The following DZIP3 variants were observed in gnomAD, a reference collection of about 807,000 sequenced individuals.
DZIP3 encodes DAZ interacting zinc finger protein 3.
DZIP3 carries 118 observed loss-of-function variants against 162.0 expected under a neutral mutation model. That is an observed-to-expected ratio of 0.73 (90% CI 0.63 to 0.85). The LOEUF (loss-of-function observed/expected upper bound fraction) is 0.85. Ranked by LOEUF, DZIP3 falls within the 40% of genes least tolerant of loss-of-function variation. DZIP3 has a pLI of 0.00. For missense variants in DZIP3, 1,331 were observed against 1,407.0 expected, an observed-to-expected ratio of 0.95 and a Z score of 0.86; for synonymous variants, 438 against 458.6, an observed-to-expected ratio of 0.96 and a Z score of 0.57.
At chr3:108,669,582 C>T in intron 21 of DZIP3, 99 bp from the exon 22 acceptor site, 1 of 1,029,884 alleles carries the variant, frequency 9.7e-7, no homozygotes, top group Non-Finnish European at 1.4e-6. Flanking sequence ...CCCAAATGGA[C>T]ATACTTTATC....
chr3:108,689,127 C>G (rs1213978362), intron 31 of DZIP3, among the ~76,000 whole-genome samples: 1 of 152,188 alleles, frequency 6.6e-6, no homozygotes, highest in Non-Finnish European at 1.5e-5. Flanking sequence ...TCTCCATCCA[C>G]CCTACAGAAG....
chr3:108,644,232 G>A lies in DZIP3; in HGVS notation c.1210G>A (p.Gly404Ser). 6.2e-7 allele frequency: 1 copy of A among 1,612,994 alleles called. No individual in the cohort carries two copies. The highest frequency in any genetic ancestry group is 8.5e-7 in the Non-Finnish European group (1 of 1,179,688). ...TCTGCTTCATATAATTATTATTTCTGGTACTGACATTGTTCGACAAATATT... is the reference window on the plus strand; with the variant it reads ...TCTGCTTCATATAATTATTATTTCTAGTACTGACATTGTTCGACAAATATT... ...YHLLHIIIIS[G>S]TDIVRQIFDE... The change falls in exon 14 of 33, where the codon GGT becomes AGT. Residue 404 changes from glycine (G) to serine (S), a missense_variant. Gly to Ser is a moderately conservative substitution (Grantham distance 56). Around this residue, in one of 2 missense-constraint regions of DZIP3, gnomAD observed 1,278 missense variants for 1,317.1 expected, o/e 0.97. Coordinates refer to ENST00000361582, the MANE Select transcript of DZIP3 (RefSeq NM_014648.4).
At chr3:108,659,833 A>C (rs1943335833) in intron 19 of DZIP3, among the ~76,000 whole-genome samples, 1 of 152,206 alleles carries the variant, frequency 6.6e-6, no homozygotes, top group Non-Finnish European at 1.5e-5. Context: ...AAGCATTCTT[A>C]TACACCAATA....
chr3:108,682,768 T>G (rs1366827519), intron 26 of DZIP3, among the ~76,000 whole-genome samples: 1 of 150,712 alleles, frequency 6.6e-6, no homozygotes, highest in Non-Finnish European at 1.5e-5. Flanking sequence ...TTTTGAATAT[T>G]AGAACCACAA....
At chr3:108,672,504 T>A in intron 22 of DZIP3, 56 bp from the exon 23 acceptor site, 1 of 1,404,104 alleles carries the variant, frequency 7.1e-7, no homozygotes, top group Non-Finnish European at 1.0e-6. Context: ...CTGAATTAGA[T>A]GAAAAAGGCT....
At chr3:108,682,009 A>G (rs1238885617) in intron 26 of DZIP3, among the ~76,000 whole-genome samples, 1 of 150,542 alleles carries the variant, frequency 6.6e-6, no homozygotes, top group Admixed American at 6.6e-5. Flanking sequence ...GCAAACCACC[A>G]TGGCACATGT....
chr3:108,672,436 C>T, intron 22 of DZIP3, 124 bp from the exon 23 acceptor site: 3 of 756,854 alleles, frequency 4.0e-6, no homozygotes, highest in Non-Finnish European at 6.7e-6. Context: ...TTTCTATGTG[C>T]TCTATACTTT....
intron 16 of DZIP3, 123 bp from the exon 17 acceptor site, chr3:108,648,795 A>G: frequency 2.3e-6 from 1 of 435,046 alleles, no homozygotes; most frequent in South Asian, 3.0e-5. Flanking sequence ...CATAGAATCT[A>G]GAAAGAAATA....
Position 108,694,755 on chromosome 3 carries a change from A to G in DZIP3, c.*1402A>G, listed in dbSNP as rs1322986175. Reference sequence around the variant, plus strand: ...TAAGGTCATGGTCATATAGCTAGTTATCTTGTAAAACCAATGTTTCTTAGT... The same window carrying G: ...TAAGGTCATGGTCATATAGCTAGTTGTCTTGTAAAACCAATGTTTCTTAGT... On this transcript the variant is annotated 3_prime_UTR_variant, in exon 33 of 33. Coordinates refer to ENST00000361582, the MANE Select transcript of DZIP3 (RefSeq NM_014648.4). The G allele has an allele frequency of 2.6e-5, 4 of 152,210 alleles. No individual in the cohort carries two copies. Among genetic ancestry groups the G allele is most frequent in the Non-Finnish European group, 5.9e-5 (4 of 68,024 alleles). The allele number at this position is 152,210 out of a possible 1,614,324, so 9.4% of individuals were successfully genotyped here.
chr3:108,618,006 G>A (rs1414953796), intron 5 of DZIP3, among the ~76,000 whole-genome samples: 9 of 152,348 alleles, frequency 5.9e-5, no homozygotes, highest in African/African-American at 9.6e-5. Flanking sequence ...GTCTATTGCT[G>A]TATCTAAATT....
Position 108,669,717 on chromosome 3 carries a change from C to G in DZIP3, c.2460C>G (p.Ile820Met), listed in dbSNP as rs774880939. The part of the protein sequence containing the change: ...QRQIHAKDNE[I>M]KNLKEQLSMK... ...AAATCCATGCTAAAGATAATGAAAT[C>G]AAGAACCTTAAAGAGCAACTTTCTA... is the stretch of plus-strand genomic sequence containing the variant. Residue 820 changes from isoleucine (I) to methionine (M), a missense_variant, in exon 22 of 33, where the codon ATC (isoleucine) becomes ATG (methionine). This residue lies in a region of DZIP3 where 1,278 missense variants were observed against 1,317.1 expected (regional missense o/e 0.97). Coordinates refer to ENST00000361582, the MANE Select transcript of DZIP3 (RefSeq NM_014648.4). 3 of 1,611,092 alleles carry G rather than the reference C, an allele frequency of 1.9e-6. No homozygotes were observed. Among genetic ancestry groups the G allele is most frequent in the Non-Finnish European group, 1.7e-6 (2 of 1,178,346 alleles).
intron 1 of DZIP3, chr3:108,603,199 T>C (rs928877727): frequency 6.6e-6 from 1 of 152,224 alleles, no homozygotes; most frequent in African/African-American, 2.4e-5. Context: ...ATGAGGGGAT[T>C]GTTATCTGGA....
intron 12 of DZIP3, among the ~76,000 whole-genome samples, chr3:108,641,931 A>C (rs1031133211): frequency 1.3e-5 from 2 of 152,162 alleles, no homozygotes; most frequent in Non-Finnish European, 2.9e-5. Flanking sequence ...TAGTCTAGTT[A>C]ATACATTTTG....
intron 1 of DZIP3, among the ~76,000 whole-genome samples, chr3:108,601,688 A>T (rs1268978348): frequency 6.6e-6 from 1 of 152,174 alleles, no homozygotes; most frequent in Non-Finnish European, 1.5e-5. Context: ...GTATTTTTGA[A>T]ATCAACCCAG....
Position 108,648,019 on chromosome 3 carries a change from ATCACACCC to A in DZIP3, c.1871_1878del (p.Ser624Ter). On this transcript the variant is annotated frameshift_variant, in exon 16 of 33. Transcript: ENST00000361582. LOFTEE classifies it high-confidence loss of function. The stretch of plus-strand genomic sequence containing the variant: ...TCATGGAGTACAATATAAATGTGAA[ATCACACCC>A]TGAGATACAGTTTGCAGAAATTAAT... The A allele has an allele frequency of 6.2e-7, 1 of 1,611,842 alleles. No homozygotes were observed. Among genetic ancestry groups the A allele is most frequent in the Non-Finnish European group, 8.5e-7 (1 of 1,179,024 alleles).
chr3:108,600,616 A>G (rs1157794546), intron 1 of DZIP3, among the ~76,000 whole-genome samples: 1 of 152,198 alleles, frequency 6.6e-6, no homozygotes, highest in Non-Finnish European at 1.5e-5. Flanking sequence ...CCTTCACAGT[A>G]GGGAATTAGA....
rs201879512 is a variant in DZIP3 at position 108,635,468 on chromosome 3, TATC to T, written c.918+499_918+501del. On this transcript the variant is annotated intron_variant, in intron 10 of 32. Transcript: ENST00000361582. ...TTTACATTTAGTTATAATAGTTACA[TATC>T]ATATGTAGTTATAGATAATATATAA... 5.5e-3 allele frequency: 987 copies of T among 179,070 alleles called. 7 individuals are homozygous for T. Among genetic ancestry groups the T allele is most frequent in the African/African-American group, 0.019 (780 of 41,320 alleles). 11.1% of individuals were successfully genotyped at this position (179,070 alleles called of 1,614,324 possible).
intron 5 of DZIP3, 21 bp downstream of exon 5, chr3:108,616,678 A>G: frequency 6.7e-7 from 1 of 1,493,184 alleles, no homozygotes; most frequent in Non-Finnish European, 9.2e-7. Flanking sequence ...TCTTTTTGGA[A>G]ATTTGATATA....
At chr3:108,602,376 T>G (rs777556474) in intron 1 of DZIP3, among the ~76,000 whole-genome samples, 1 of 152,162 alleles carries the variant, frequency 6.6e-6, no homozygotes, top group Non-Finnish European at 1.5e-5. Flanking sequence ...TTTATTAAGA[T>G]ATGGATGGTA....
Sources: gnomAD v4.1 joint callset for allele counts (sites outside exome capture counted in the v4.1 genomes callset) on GRCh38, gnomAD v4.1.1 for gene constraint, gnomAD v4.1.1 regional missense constraint, MANE v1.5 for transcripts, NCBI Gene and HGNC (gene_info 2026-07-23, HGNC 2026-07-21) for gene names.